ALOXE3: variants seen among roughly 807,000 people sequenced by gnomAD.
ALOXE3 encodes the protein arachidonate epidermal lipoxygenase 3, also known as hydroperoxide isomerase ALOXE3.
Under a neutral mutation model 87.5 loss-of-function variants are expected in ALOXE3, and 78 were observed. The ratio of observed to expected loss-of-function variants is 0.89; its 90% CI spans 0.74 to 1.08. The LOEUF is 1.08. Ranked by LOEUF, ALOXE3 falls within the 50% of genes least tolerant of loss-of-function variation. ALOXE3 has a pLI of 0.00. For synonymous variants in ALOXE3, 363 were observed against 370.8 expected (o/e 0.98, Z 0.24); for missense variants, 946 against 912.4 (o/e 1.04, Z -0.47).
chr17:8,104,412 G>A (rs1297518629), intron 13 of ALOXE3, among the ~76,000 whole-genome samples, 197 bp from the exon 14 acceptor site: 1 of 152,164 alleles, frequency 6.6e-6, no homozygotes, highest in Non-Finnish European at 1.5e-5. Context: ...GGAGATGGGG[G>A]CTGGGATCTG....
At chr17:8,109,771 G>C in intron 11 of ALOXE3, 145 bp downstream of exon 11, 1 of 828,678 alleles carries the variant, frequency 1.2e-6, no homozygotes, top group Non-Finnish European at 1.9e-6. Flanking sequence ...GGGCGGGGCT[G>C]GTGGAAGAGG....
At chr17:8,108,984 C>CA (rs1979757148) in intron 12 of ALOXE3, among the ~76,000 whole-genome samples, 190 bp downstream of exon 12, 1 of 152,216 alleles carries the variant, frequency 6.6e-6, no homozygotes, top group African/African-American at 2.4e-5. Flanking sequence ...CACACACCCC[C>CA]AAGCCCCTCT....
chr17:8,116,747 G>T (rs760706784), intron 3 of ALOXE3, 29 bp downstream of exon 3: 1 of 1,608,678 alleles, frequency 6.2e-7, no homozygotes, highest in Non-Finnish European at 8.5e-7. Flanking sequence ...ACCTTCTGCA[G>T]TACAGTGTAG....
chr17:8,099,685 C>T (rs150743632), intron 15 of ALOXE3, among the ~76,000 whole-genome samples: 1,918 of 151,164 alleles, frequency 0.013, 14 homozygotes, highest in Non-Finnish European at 0.022. Flanking sequence ...AGTAAAAAAT[C>T]TTCTCTGCAT....
intron 7 of ALOXE3, 42 bp downstream of exon 7, chr17:8,112,051 G>A (rs1260702870): frequency 2.6e-6 from 4 of 1,549,712 alleles, no homozygotes; most frequent in Non-Finnish European, 3.6e-6. Flanking sequence ...CTGAGCATGA[G>A]ATAAGGTGAG....
intron 4 of ALOXE3, among the ~76,000 whole-genome samples, 176 bp from the exon 5 acceptor site, chr17:8,115,233 G>A (rs1313085589): frequency 1.3e-5 from 2 of 152,324 alleles, no homozygotes; most frequent in South Asian, 2.1e-4. Context: ...AGCATTTAAG[G>A]ATGGCATTAA....
At chr17:8,112,661 C>T (rs1052064517) in intron 6 of ALOXE3, among the ~76,000 whole-genome samples, 3 of 152,236 alleles carry the variant, frequency 2.0e-5, no homozygotes, top group African/African-American at 7.2e-5. Context: ...ACCCGCTCTC[C>T]AAACATGATC....
intron 15 of ALOXE3, 22 bp downstream of exon 15, chr17:8,103,301 C>T (rs1193816461): frequency 5.6e-6 from 9 of 1,612,910 alleles, no homozygotes; most frequent in East Asian, 4.5e-5. Context: ...ACCCTACTCC[C>T]CTCAACATCC....
Position 8,110,116 on chromosome 17 carries a change from C to A in ALOXE3, c.1281G>T (p.Leu427=). ...EAFAMATLRQ[L]PLCHPIYKLL... The stretch of plus-strand genomic sequence containing the variant: ...CCTTGTAGATGGGGTGGCAGAGCGG[C>A]AGCTGGCGCAGCGTGGCCATGGCGA... The change falls in exon 10 of 16, where the codon CTG becomes CTT. Residue 427 remains leucine, a synonymous_variant. Coordinates refer to ENST00000448843, the MANE Select transcript of ALOXE3 (RefSeq NM_021628.3). The A allele has an allele frequency of 6.2e-7, 1 of 1,613,002 alleles. No individual in the cohort carries two copies. Among genetic ancestry groups the A allele is most frequent in the South Asian group, 1.1e-5 (1 of 91,024 alleles).
chr17:8,113,336 C>A (rs1024504130), intron 6 of ALOXE3, among the ~76,000 whole-genome samples: 1 of 152,204 alleles, frequency 6.6e-6, no homozygotes, highest in Admixed American at 6.5e-5. Flanking sequence ...AATATGCACT[C>A]ACTAAATAAG....
upstream of ALOXE3, chr17:8,118,622 C>T: frequency 2.6e-6 from 4 of 1,536,122 alleles, no homozygotes; most frequent in South Asian, 3.6e-5. Flanking sequence ...TGGTCAGGAA[C>T]AGCTCCCTGT....
rs1024318066 is a variant in ALOXE3 at position 8,110,394 on chromosome 17, C to G, written c.1092G>C (p.Leu364Phe). ...GCGGCGCCGGGCTCACCTGGATGGCCAAGGGCACCAGCGCCCCCTGGGGGC... is the reference window on the plus strand; with the variant it reads ...GCGGCGCCGGGCTCACCTGGATGGCGAAGGGCACCAGCGCCCCCTGGGGGC... Reference protein sequence around the residue: ...WLSPQGALVPLAIQLSQTPGP... With the variant: ...WLSPQGALVPFAIQLSQTPGP... The change falls in exon 9 of 16, where the codon TTG becomes TTC. Residue 364 changes from leucine to phenylalanine, a missense_variant. Physicochemically the swap from Leu to Phe is conservative, Grantham distance 22. Transcript: ENST00000448843. 2.5e-6 allele frequency: 4 copies of G among 1,607,620 alleles called. No individual in the cohort carries two copies. The African/African-American group carries it at 4.0e-5, about 16-fold the overall frequency.
intron 13 of ALOXE3, among the ~76,000 whole-genome samples, chr17:8,105,728 C>T (rs1209223535): frequency 6.6e-6 from 1 of 151,814 alleles, no homozygotes; most frequent in Non-Finnish European, 1.5e-5. Flanking sequence ...CATAGCAAGA[C>T]CTTGTCTCTA....
intron 6 of ALOXE3, 105 bp downstream of exon 6, chr17:8,114,379 G>A: frequency 6.6e-7 from 1 of 1,512,778 alleles, no homozygotes; most frequent in Non-Finnish European, 9.2e-7. Flanking sequence ...ACTGGGGCAG[G>A]GAGAGGGGAT....
chr17:8,098,319 A>G (rs745582005), intron 15 of ALOXE3, among the ~76,000 whole-genome samples: 2 of 124,280 alleles, frequency 1.6e-5, no homozygotes, highest in Non-Finnish European at 1.6e-5. Context: ...GCTCGCTGCA[A>G]CCTCCGTCTC....
At chr17:8,106,899 G>A (rs367573262) in intron 13 of ALOXE3, among the ~76,000 whole-genome samples, 2 of 152,286 alleles carry the variant, frequency 1.3e-5, no homozygotes, top group African/African-American at 4.8e-5. Flanking sequence ...AGTAAGATAG[G>A]AGAGTTGAAT....
At chr17:8,118,363 G>T (rs1457285566) in intron 1 of ALOXE3, 60 bp from the exon 2 acceptor site, 7 of 1,551,444 alleles carry the variant, frequency 4.5e-6, no homozygotes, top group African/African-American at 1.4e-5. Context: ...TGTATAATTG[G>T]GACACTGCCC....
At chr17:8,100,908 C>G (rs1328710228) in intron 15 of ALOXE3, among the ~76,000 whole-genome samples, 1 of 152,232 alleles carries the variant, frequency 6.6e-6, no homozygotes, top group Admixed American at 6.5e-5. Flanking sequence ...AGCCTACTTA[C>G]TAGCTCTGTG....
At chr17:8,112,706 G>A (rs1201446645) in intron 6 of ALOXE3, among the ~76,000 whole-genome samples, 1 of 152,166 alleles carries the variant, frequency 6.6e-6, no homozygotes, top group Admixed American at 6.5e-5. Flanking sequence ...GGTAGAAGAG[G>A]GGCTGGCACG....
Sources: gnomAD v4.1 joint callset for allele counts (sites outside exome capture counted in the v4.1 genomes callset) on GRCh38, gnomAD v4.1.1 for gene constraint, MANE v1.5 for transcripts, NCBI Gene and HGNC (gene_info 2026-07-23, HGNC 2026-07-21) for gene names.